SLC8A2: variants seen among roughly 807,000 people sequenced by gnomAD.
The protein encoded by SLC8A2 is sodium/calcium exchanger 2.
In SLC8A2, 14 loss-of-function variants were observed where a neutral mutation model predicts 70.2. The observed-to-expected ratio is 0.20, with a 90% CI of 0.13 to 0.31. The LOEUF (loss-of-function observed/expected upper bound fraction) is 0.31. Among genes scored for constraint, SLC8A2 ranks in the 10% least tolerant of loss-of-function variants. The pLI is 1.00. For missense variants in SLC8A2, 779 were observed against 1,320.1 expected (o/e 0.59, Z 6.35); for synonymous variants, 575 against 594.3 (o/e 0.97, Z 0.47).
chr19:47,444,330 A>C (rs977940209), intron 4 of SLC8A2, among the ~76,000 whole-genome samples: 3 of 152,084 alleles, frequency 2.0e-5, no homozygotes, highest in Admixed American at 2.0e-4. Context: ...TCAACACACA[A>C]ACACGCACAA....
intron 3 of SLC8A2, among the ~76,000 whole-genome samples, chr19:47,455,425 G>A (rs899233349): frequency 6.6e-6 from 1 of 152,136 alleles, no homozygotes; most frequent in Non-Finnish European, 1.5e-5. Flanking sequence ...TGTAATCAGT[G>A]TTTACTTCCT....
At chr19:47,463,196 G>C (rs903056109) in intron 2 of SLC8A2, among the ~76,000 whole-genome samples, 1 of 151,318 alleles carries the variant, frequency 6.6e-6, no homozygotes, top group Admixed American at 6.6e-5. Flanking sequence ...GCAGCGGCGC[G>C]ATCTTGGCGC....
In SLC8A2 at chr19:47,428,924, A is replaced by C. The variant is rs1472133060; in HGVS notation, c.*1165T>G. 2.0e-5 allele frequency: 3 copies of C among 152,572 alleles called. No individual in the cohort carries two copies. The highest frequency in any genetic ancestry group is 4.4e-5 in the Non-Finnish European group (3 of 67,998). 9.5% of individuals were successfully genotyped at this position (152,572 alleles called of 1,614,324 possible). A position where few individuals can be genotyped will look rare whatever the true frequency, so the allele number is the denominator to read the frequency against. ...GGCAGGAAACATCAACAGTAAGAAA[A>C]TGCAGATGGCCTACCGACAGATGGA... On this transcript the variant is annotated 3_prime_UTR_variant, in exon 10 of 10. Coordinates refer to ENST00000236877, the MANE Select transcript of SLC8A2 (RefSeq NM_015063.3).
chr19:47,443,481 C>G (rs1967122836), intron 4 of SLC8A2, among the ~76,000 whole-genome samples: 1 of 152,204 alleles, frequency 6.6e-6, no homozygotes, highest in Non-Finnish European at 1.5e-5. Flanking sequence ...CCAGCCCACA[C>G]AGTCACCCAA....
rs1967254319 is a variant in SLC8A2 at position 47,452,443 on chromosome 19, AGAGTGTGTGTGTGTGTGTGTGT to A, written c.1341-4234_1341-4213del. 7.2e-5 allele frequency among the ~76,000 whole-genome samples: 4 copies of A among 55,784 alleles called. No individual in the cohort carries two copies. The East Asian group carries it at 2.1e-3, about 29-fold the overall frequency. The allele number at this position is 55,784 out of a possible 152,430, so 36.6% of individuals were successfully genotyped here. A position where few individuals can be genotyped will look rare whatever the true frequency, so the allele number is the denominator to read the frequency against. On this transcript the variant is annotated intron_variant, in intron 3 of 9. Transcript: ENST00000236877. ...GAGAGAGAGAGAGAGAGAGAGAGAGAGAGTGTGTGTGTGTGTGTGTGTGTGTGTGTGTGTGTGTGTGTGTGTG... is the reference window on the plus strand; with the variant it reads ...GAGAGAGAGAGAGAGAGAGAGAGAGAGTGTGTGTGTGTGTGTGTGTGTGTG...
chr19:47,438,771 C>T (rs1967062879), intron 6 of SLC8A2, among the ~76,000 whole-genome samples: 1 of 152,178 alleles, frequency 6.6e-6, no homozygotes, highest in Non-Finnish European at 1.5e-5. Context: ...CTCTAACATT[C>T]ACCATAACCT....
chr19:47,448,253 G>A lies in SLC8A2; in HGVS notation c.1341-22C>T. ...CTCGCTGCGGCGGGGTGGGGAGGGG[G>A]AAGAGCGGGGTGAGGGTCGGTCATC... On this transcript the variant is annotated intron_variant, in intron 3 of 9. Transcript: ENST00000236877. The surrounding 1 kb of genome is among the most constrained non-coding windows in gnomAD (Gnocchi z 4.8). The A allele has an allele frequency of 1.9e-6, 3 of 1,567,452 alleles. No individual in the cohort carries two copies. Among genetic ancestry groups the A allele is most frequent in the Middle Eastern group, 1.7e-4 (1 of 5,900 alleles).
rs1169812256 is a variant in SLC8A2 at position 47,447,733 on chromosome 19, C to T, written c.1763+76G>A. Reference sequence around the variant, plus strand: ...ACTATGTGGGCATGGCTCACCCAGGCCCCGCCCCTGAGCCACATCAGGCCT... The same window carrying T: ...ACTATGTGGGCATGGCTCACCCAGGTCCCGCCCCTGAGCCACATCAGGCCT... On this transcript the variant is annotated intron_variant, in intron 4 of 9. Transcript: ENST00000236877. The surrounding 1 kb of genome is among the most constrained non-coding windows in gnomAD (Gnocchi z 5.1). 7.1e-6 allele frequency: 10 copies of T among 1,413,210 alleles called. No individual in the cohort carries two copies. The highest frequency in any genetic ancestry group is 4.7e-6 in the Non-Finnish European group (5 of 1,073,978). 87.5% of individuals were successfully genotyped at this position (1,413,210 alleles called of 1,614,324 possible).
chr19:47,459,525 C>T (rs982342307), intron 2 of SLC8A2, among the ~76,000 whole-genome samples: 13 of 151,508 alleles, frequency 8.6e-5, no homozygotes, highest in Non-Finnish European at 1.6e-4. Context: ...TGTGCACGTG[C>T]GTGCGCGTGT....
At position 47,432,479 on chromosome 19, in the gene SLC8A2, C is replaced by A. The variant is rs1568439004; in HGVS notation, c.2111-34G>T. The A allele has an allele frequency of 6.5e-7, 1 of 1,537,664 alleles. No individual in the cohort carries two copies. Among genetic ancestry groups the A allele is most frequent in the East Asian group, 2.3e-5 (1 of 43,470 alleles). ...ACACGACCCAGCTGGGGCATACACTCAGACTTCCTTCCTTGCCTACAGAGG... is the reference window on the plus strand; with the variant it reads ...ACACGACCCAGCTGGGGCATACACTAAGACTTCCTTCCTTGCCTACAGAGG... On this transcript the variant is annotated intron_variant, in intron 8 of 9. Coordinates refer to ENST00000236877, the MANE Select transcript of SLC8A2 (RefSeq NM_015063.3). This position sits in a 1 kb window ranked among gnomAD's most constrained non-coding sequence, Gnocchi z 6.2.
At position 47,457,118 on chromosome 19, in the gene SLC8A2, G is replaced by A. The variant is rs748323502; in HGVS notation, c.1152C>T (p.Gly384=). The A allele has an allele frequency of 2.6e-6, 4 of 1,548,474 alleles. No individual in the cohort carries two copies. The highest frequency in any genetic ancestry group is 1.2e-5 in the South Asian group (1 of 84,012). ...DASRRAAPAE[G]AGEDEDDGAS... ...CGCCGTCGTCTTCGTCCTCGCCCGC[G>A]CCCTCGGCCGGCGCCGCCCTGCGCG... Residue 384 remains glycine (G), a synonymous_variant, in exon 3 of 10, where the codon GGC becomes GGT. Transcript: ENST00000236877.
chr19:47,464,406 C>T (rs1967433119), intron 2 of SLC8A2, among the ~76,000 whole-genome samples: 1 of 152,228 alleles, frequency 6.6e-6, no homozygotes, highest in African/African-American at 2.4e-5. Context: ...ACCACCACAC[C>T]TAGCTTCAAA....
At chr19:47,441,464 C>T (rs1457566889) in intron 4 of SLC8A2, 24 bp from the exon 5 acceptor site, 1 of 1,432,244 alleles carries the variant, frequency 7.0e-7, no homozygotes, top group Admixed American at 1.8e-5. Context: ...AAGGGGGAGG[C>T]AGAACACTCA....
rs938267986 is a variant in SLC8A2, at chr19:47,447,573, G to A, written c.1763+236C>T. The A allele has an allele frequency of 1.4e-5, 7 of 504,340 alleles. No individual in the cohort carries two copies. In the African/African-American group the frequency reaches 1.6e-4, roughly 11 times the overall value. The allele number at this position is 504,340 out of a possible 1,614,324, so 31.2% of individuals were successfully genotyped here. A position where few individuals can be genotyped will look rare whatever the true frequency, so the allele number is the denominator to read the frequency against. ...CCACTTTGGAGAACGATTCACTCAG[G>A]CCCCTCTCCTCCTGAGGGCCCAGCT... On this transcript the variant is annotated intron_variant, in intron 4 of 9. Transcript: ENST00000236877. The surrounding 1 kb of genome is among the most constrained non-coding windows in gnomAD (Gnocchi z 5.1).
intron 1 of SLC8A2, among the ~76,000 whole-genome samples, chr19:47,470,201 G>A: frequency 6.6e-6 from 1 of 152,150 alleles, no homozygotes; most frequent in Non-Finnish European, 1.5e-5. Context: ...TTGGGTGCTC[G>A]AGGCTGTGAT....
In SLC8A2 at chr19:47,466,223, CG is replaced by C; in HGVS notation, c.180del (p.Asp61ThrfsTer135). The C allele has an allele frequency of 6.2e-7, 1 of 1,608,916 alleles. No individual in the cohort carries two copies. On this transcript the variant is annotated frameshift_variant, in exon 2 of 10. Coordinates refer to ENST00000236877, the MANE Select transcript of SLC8A2 (RefSeq NM_015063.3). LOFTEE classifies it high-confidence loss of function. The surrounding 1 kb of genome is among the most constrained non-coding windows in gnomAD (Gnocchi z 6.9). ...GCCTTGTCACCCAGCGACGGGTCGT[CG>C]GGCTCCCACACGGGCAGCAGCACCC... ...QPGVLLPVWE[P>X]DDPSLGDKAA...
rs779522340 is a variant in SLC8A2, at chr19:47,432,087, C to T, written c.2389+80G>A. 6.6e-6 allele frequency: 9 copies of T among 1,365,914 alleles called. No individual in the cohort carries two copies. Among genetic ancestry groups the T allele is most frequent in the Non-Finnish European group, 9.0e-6 (9 of 995,924 alleles). The allele number at this position is 1,365,914 out of a possible 1,614,324, so 84.6% of individuals were successfully genotyped here. A position where few individuals can be genotyped will look rare whatever the true frequency, so the allele number is the denominator to read the frequency against. ...CATGGGCGCTGTGTGACTCCACCCA[C>T]CTCATTTTGGCAGGATCCTGTGTTG... On this transcript the variant is annotated intron_variant, in intron 9 of 9. Transcript: ENST00000236877. This position sits in a 1 kb window ranked among gnomAD's most constrained non-coding sequence, Gnocchi z 6.2.
At chr19:47,440,247 C>T (rs1471410643) in intron 6 of SLC8A2, among the ~76,000 whole-genome samples, 3 of 152,158 alleles carry the variant, frequency 2.0e-5, no homozygotes, top group Non-Finnish European at 4.4e-5. Context: ...CTAAATCTGA[C>T]TCTAATTCTA....
At chr19:47,463,749 T>C (rs1009293463) in intron 2 of SLC8A2, among the ~76,000 whole-genome samples, 3 of 152,144 alleles carry the variant, frequency 2.0e-5, no homozygotes, top group African/African-American at 7.2e-5. Context: ...TACTGACTTT[T>C]TGGGAAGCCA....
Sources: allele counts gnomAD v4.1 joint callset (sites outside exome capture counted in the v4.1 genomes callset), GRCh38; gene constraint gnomAD v4.1.1; non-coding constraint Gnocchi (gnomAD v3.1); transcripts MANE v1.5; gene names NCBI Gene and HGNC (gene_info 2026-07-23, HGNC 2026-07-21).